RFT1: variants seen among roughly 807,000 people sequenced by gnomAD.
The protein encoded by RFT1 is man(5)GlcNAc(2)-PP-dolichol translocation protein RFT1.
In RFT1, 43 loss-of-function variants were observed where a neutral mutation model predicts 62.2. The ratio of observed to expected loss-of-function variants is 0.69; its 90% CI spans 0.54 to 0.89. The LOEUF (loss-of-function observed/expected upper bound fraction) is 0.89. RFT1 is among the 40% of genes least tolerant of loss of function. The pLI, the probability that RFT1 is intolerant of heterozygous loss-of-function variation, is 0.00. For missense variants in RFT1, 605 were observed against 649.9 expected, an observed-to-expected ratio of 0.93 and a Z score of 0.75; for synonymous variants, 262 against 264.6, an observed-to-expected ratio of 0.99 and a Z score of 0.10.
intron 7 of RFT1, among the ~76,000 whole-genome samples, chr3:53,109,440 G>C (rs778284211): frequency 2.6e-5 from 4 of 152,186 alleles, no homozygotes; most frequent in Non-Finnish European, 4.4e-5. Flanking sequence ...ATTCATCTCA[G>C]TATTCTCAGC....
At chr3:53,123,691 C>T (rs1047495865) in intron 3 of RFT1, 33 bp downstream of exon 3, 5 of 1,541,102 alleles carry the variant, frequency 3.2e-6, no homozygotes, top group Non-Finnish European at 4.5e-6. Context: ...ACCTGCCTTC[C>T]TGAAACGTGT....
chr3:53,096,789 GGCTGGAGT>G (rs1701154063), intron 11 of RFT1, among the ~76,000 whole-genome samples: 2 of 152,098 alleles, frequency 1.3e-5, no homozygotes, highest in African/African-American at 4.8e-5. Flanking sequence ...CTGTTGCCTA[GGCTGGAGT>G]GCAATGGCAT....
downstream of RFT1, among the ~76,000 whole-genome samples, chr3:53,083,518 TAAATA>T (rs1700800008): frequency 8.3e-6 from 1 of 120,544 alleles, no homozygotes; most frequent in South Asian, 2.5e-4. Flanking sequence ...AAAAAGTAAA[TAAATA>T]AAAGACATGG....
At chr3:53,128,006 T>TA (rs976540596) in intron 1 of RFT1, among the ~76,000 whole-genome samples, 97 of 149,366 alleles carry the variant, frequency 6.5e-4, no homozygotes, top group Non-Finnish European at 1.3e-3. Flanking sequence ...ATATGGTTAT[T>TA]AAAAAAAAAA....
chr3:53,121,259 A>T (rs4687702), intron 5 of RFT1, among the ~76,000 whole-genome samples: 151,594 of 152,326 alleles, frequency 1, 75,438 homozygotes, highest in Middle Eastern at 1. Flanking sequence ...GAGATTTCAA[A>T]CTAAGTTTAA....
chr3:53,106,449 A>T (rs1479431052), intron 8 of RFT1, among the ~76,000 whole-genome samples: 1 of 152,190 alleles, frequency 6.6e-6, no homozygotes. Flanking sequence ...ATTTGATTTC[A>T]GTTACTTTGG....
intron 6 of RFT1, among the ~76,000 whole-genome samples, chr3:53,116,450 T>C (rs560435986): frequency 1.3e-5 from 2 of 152,166 alleles, no homozygotes; most frequent in South Asian, 4.1e-4. Context: ...TGTGCCACCA[T>C]GCCCAGCTAA....
chr3:53,083,186 G>A, the RFT1 span, among the ~76,000 whole-genome samples: 1 of 123,314 alleles, frequency 8.1e-6, no homozygotes, highest in African/African-American at 3.1e-5. Flanking sequence ...GGGTGACAGA[G>A]TGAGATTCCA....
chr3:53,094,111 C>T (rs1701073420), intron 11 of RFT1, among the ~76,000 whole-genome samples: 1 of 151,870 alleles, frequency 6.6e-6, no homozygotes, highest in Non-Finnish European at 1.5e-5. Flanking sequence ...TGGCCAGTAC[C>T]CTAGAACTAT....
At chr3:53,126,392 G>A (rs892717747) in intron 1 of RFT1, among the ~76,000 whole-genome samples, 10 of 152,186 alleles carry the variant, frequency 6.6e-5, no homozygotes, top group Non-Finnish European at 1.5e-4. Flanking sequence ...AATAGCATAC[G>A]CTTAGCAAGT....
chr3:53,092,997 G>A (rs1701041183), intron 11 of RFT1, among the ~76,000 whole-genome samples: 1 of 152,148 alleles, frequency 6.6e-6, no homozygotes, highest in South Asian at 2.1e-4. Context: ...GGACACACTG[G>A]AGAATGAACA....
intron 6 of RFT1, among the ~76,000 whole-genome samples, chr3:53,118,185 G>A (rs1701862697): frequency 6.6e-6 from 1 of 152,180 alleles, no homozygotes; most frequent in Non-Finnish European, 1.5e-5. Context: ...TGGTTCAAAT[G>A]TTCCTTCCCA....
At chr3:53,075,761 G>T in the RFT1 span, among the ~76,000 whole-genome samples, 2 of 152,176 alleles carry the variant, frequency 1.3e-5, no homozygotes, top group African/African-American at 4.8e-5. Flanking sequence ...CAGCAATGAA[G>T]AGTCACCTGC....
the RFT1 span, among the ~76,000 whole-genome samples, chr3:53,067,593 T>G: frequency 6.6e-6 from 1 of 152,136 alleles, no homozygotes; most frequent in African/African-American, 2.4e-5. Context: ...CTATGTAAAA[T>G]TCATTGAGCT....
the RFT1 span, among the ~76,000 whole-genome samples, chr3:53,078,883 C>T: frequency 6.6e-6 from 1 of 152,228 alleles, no homozygotes; most frequent in South Asian, 2.1e-4. Flanking sequence ...TGAACCCCAA[C>T]TTTTCCTTGG....
chr3:53,098,764 T>C (rs980429012), intron 11 of RFT1, among the ~76,000 whole-genome samples: 3 of 117,056 alleles, frequency 2.6e-5, no homozygotes, highest in Admixed American at 1.3e-4. Context: ...ACTGCGCCAC[T>C]GCACTCAAGC....
At chr3:53,095,220 G>A (rs1701108492) in intron 11 of RFT1, among the ~76,000 whole-genome samples, 2 of 151,686 alleles carry the variant, frequency 1.3e-5, no homozygotes, top group South Asian at 2.1e-4. Context: ...CCAAGATCAC[G>A]CCACTGTACT....
intron 1 of RFT1, among the ~76,000 whole-genome samples, chr3:53,126,685 T>C (rs1702119982): frequency 6.6e-6 from 1 of 152,134 alleles, no homozygotes; most frequent in Non-Finnish European, 1.5e-5. Context: ...GAAAGGGACA[T>C]TTCCTGAGAC....
Position 53,121,691 on chromosome 3 carries a change from A to G in RFT1, c.558+8T>C. On this transcript the variant is annotated splice_region_variant and intron_variant, in intron 5 of 12. Transcript: ENST00000296292. ...ATCATATAAAAAGTTAAAAGCCATGATTCTTACCTGGGCCAAAGAGAAAAT... is the reference window on the plus strand; with the variant it reads ...ATCATATAAAAAGTTAAAAGCCATGGTTCTTACCTGGGCCAAAGAGAAAAT... 6.2e-7 allele frequency: 1 copy of G among 1,607,008 alleles called. No individual in the cohort carries two copies. The highest frequency in any genetic ancestry group is 1.1e-5 in the South Asian group (1 of 90,758).
Sources: allele counts gnomAD v4.1 joint callset (sites outside exome capture counted in the v4.1 genomes callset), GRCh38; gene constraint gnomAD v4.1.1; transcripts MANE v1.5; gene names NCBI Gene and HGNC (gene_info 2026-07-23, HGNC 2026-07-21).